Variants in TYK2 observed in about 807,000 individuals in gnomAD.
TYK2 encodes tyrosine kinase 2, also known as non-receptor tyrosine-protein kinase TYK2.
TYK2 carries 65 observed loss-of-function variants against 130.9 expected under a neutral mutation model. The observed-to-expected ratio is 0.50, with a 90% confidence interval of 0.41 to 0.61. The LOEUF is 0.61. Among genes scored for constraint, TYK2 ranks in the 20% least tolerant of loss-of-function variants. The pLI is 0.00. For missense variants in TYK2, 1,378 were observed against 1,610.7 expected, an observed-to-expected ratio of 0.86 and a Z score of 2.47; for synonymous variants, 647 against 658.9, an observed-to-expected ratio of 0.98 and a Z score of 0.28.
chr19:10,363,268 C>T (rs1372984702), intron 9 of TYK2, among the ~76,000 whole-genome samples: 1 of 149,098 alleles, frequency 6.7e-6, no homozygotes, highest in Admixed American at 6.7e-5. Context: ...TGGCTCACTT[C>T]AGCCTGGACC....
At chr19:10,352,337 G>T (rs888547171) in intron 23 of TYK2, 97 bp downstream of exon 23, 4 of 845,656 alleles carry the variant, frequency 4.7e-6, no homozygotes, top group Admixed American at 3.5e-5. Context: ...CTCCCAAAGT[G>T]CTGGGATTAC....
Position 10,361,365 on chromosome 19 carries a change from G to T in TYK2, c.2047+146C>A. ...GTTGGGGTCTAGGTTGAAGGTCAAG[G>T]TGTAGCCCGGGATCAGAGTACAGGT... On this transcript the variant is annotated intron_variant, in intron 14 of 24. Coordinates refer to ENST00000525621, the MANE Select transcript of TYK2 (RefSeq NM_003331.5). The surrounding 1 kb of genome is among the most constrained non-coding windows in gnomAD (Gnocchi z 4.0). 1.2e-6 allele frequency: 1 copy of T among 803,926 alleles called. No homozygotes were observed. The highest frequency in any genetic ancestry group is 2.0e-6 in the Non-Finnish European group (1 of 488,450). The allele number at this position is 803,926 out of a possible 1,614,324, so 49.8% of individuals were successfully genotyped here.
rs1019888846 is a variant in TYK2 at position 10,357,515 on chromosome 19, G to T, written c.2466+249C>A. ...CTGGGCGTCTCCCATCGCTGCCCTG[G>T]TCACTCTGCCTAAAACTGAAATCAA... On this transcript the variant is annotated intron_variant, in intron 17 of 24. Transcript: ENST00000525621. 4.2e-6 allele frequency: 3 copies of T among 711,858 alleles called. No individual in the cohort carries two copies. The African/African-American group carries it at 5.2e-5, about 12-fold the overall frequency. 44.1% of individuals were successfully genotyped at this position (711,858 alleles called of 1,614,324 possible). A position where few individuals can be genotyped will look rare whatever the true frequency, so the allele number is the denominator to read the frequency against.
At chr19:10,365,072 G>C (rs887279432) in intron 7 of TYK2, 24 bp from the exon 8 acceptor site, 1 of 1,585,408 alleles carries the variant, frequency 6.3e-7, no homozygotes, top group South Asian at 1.2e-5. Context: ...AAGTGGGGCA[G>C]AGGATGGAGA....
chr19:10,374,558 C>T (rs12979221), intron 3 of TYK2, among the ~76,000 whole-genome samples: 7 of 110,354 alleles, frequency 6.3e-5, no homozygotes, highest in South Asian at 6.6e-4. Flanking sequence ...GCACTCCAGC[C>T]TGGGTGACAG....
rs73003520 is a variant in TYK2, at chr19:10,361,113, A to T, written c.2047+398T>A. 1.8e-3 allele frequency: 870 copies of T among 491,944 alleles called. 2 individuals are homozygous for T. Among genetic ancestry groups the T allele is most frequent in the Non-Finnish European group, 2.5e-3 (644 of 252,632 alleles). 30.5% of individuals were successfully genotyped at this position (491,944 alleles called of 1,614,324 possible). On this transcript the variant is annotated intron_variant, in intron 14 of 24. Coordinates refer to ENST00000525621, the MANE Select transcript of TYK2 (RefSeq NM_003331.5). The surrounding 1 kb of genome is among the most constrained non-coding windows in gnomAD (Gnocchi z 4.0). ...AAGAGGTGGGGTTAGGCAGGGTTGGATGTGCAGGGGCTGAGGCCTAGGAGA... is the reference window on the plus strand; with the variant it reads ...AAGAGGTGGGGTTAGGCAGGGTTGGTTGTGCAGGGGCTGAGGCCTAGGAGA...
In TYK2 at chr19:10,368,272, G is replaced by A. The variant is rs781411794; in HGVS notation, c.317+23C>T. On this transcript the variant is annotated intron_variant, in intron 4 of 24. Transcript: ENST00000525621. ...CCAGCTTCAGCACAGGAGGGGACGA[G>A]CTTTGCAAAGGTCTCCACCCACCTT... 5.6e-6 allele frequency: 9 copies of A among 1,614,062 alleles called. No homozygotes were observed. In the African/African-American group the frequency reaches 1.2e-4, roughly 22 times the overall value.
At chr19:10,363,493 G>A (rs1005719507) in intron 9 of TYK2, among the ~76,000 whole-genome samples, 1 of 152,040 alleles carries the variant, frequency 6.6e-6, no homozygotes, top group African/African-American at 2.4e-5. Flanking sequence ...TCCTACTCTT[G>A]TACTTGACGC....
At position 10,361,835 on chromosome 19, in the gene TYK2, C is replaced by T; in HGVS notation, c.1894G>A (p.Asp632Asn). 6.2e-7 allele frequency: 1 copy of T among 1,614,048 alleles called. No individual in the cohort carries two copies. The highest frequency in any genetic ancestry group is 1.1e-5 in the South Asian group (1 of 91,084). ...ACCACTCGTAGCTCCTGCCCACGGT[C>T]CCTGCCAGGCACGAGGGGGTCCTCG... The part of the protein sequence containing the change: ...DDEDPLVPGR[D>N]RGQELRVVLK... Residue 632 changes from aspartate to asparagine, a missense_variant, in exon 13 of 25, where the codon GAC becomes AAC. Transcript: ENST00000525621. The surrounding 1 kb of genome is among the most constrained non-coding windows in gnomAD (Gnocchi z 4.0).
At chr19:10,377,974 GTGGGTGGA>G (rs1249471281) in intron 3 of TYK2, among the ~76,000 whole-genome samples, 2 of 117,600 alleles carry the variant, frequency 1.7e-5, no homozygotes, top group East Asian at 2.8e-4. Context: ...GGGTGAATGG[GTGGGTGGA>G]TGGGTGGATG....
Position 10,374,460 on chromosome 19 carries a change from C to T in TYK2, c.193+3754G>A, listed in dbSNP as rs2042034526. ...ATTAGCCAGGTGTGGTGGTGGGCGC[C>T]TGTAATCCCAGCTACTCAGGAGGCT... On this transcript the variant is annotated intron_variant, in intron 3 of 24. Transcript: ENST00000525621. Among the ~76,000 whole-genome samples, 5 of 150,552 alleles carry T rather than the reference C, an allele frequency of 3.3e-5. No individual in the cohort carries two copies. In the Admixed American group the frequency reaches 3.3e-4, roughly 10 times the overall value.
chr19:10,368,220 G>A lies in TYK2; in HGVS notation c.318-18C>T, dbSNP rs376043199. On this transcript the variant is annotated intron_variant, in intron 4 of 24. Coordinates refer to ENST00000525621, the MANE Select transcript of TYK2 (RefSeq NM_003331.5). ...AATAAAACCTGCAGGAAGGAGGGAC[G>A]CAGCTGGGGCTTAGCACAGAGTCAG... The A allele has an allele frequency of 4.3e-5, 70 of 1,613,974 alleles. No homozygotes were observed. Among genetic ancestry groups the A allele is most frequent in the African/African-American group, 5.3e-5 (4 of 74,920 alleles).
chr19:10,356,838 A>G (rs1468213820), intron 17 of TYK2, 120 bp from the exon 18 acceptor site: 3 of 1,079,510 alleles, frequency 2.8e-6, no homozygotes, highest in Admixed American at 4.0e-5. Context: ...CAGTTCCATT[A>G]TACAGATGAG....
Position 10,364,606 on chromosome 19 carries a change from G to C in TYK2, c.1367+8C>G. ...GGTGGCCCCCAGCGCCCCCCACCCAGCACTCACAGCAGGGGTCCGTGGATC... is the reference window on the plus strand; with the variant it reads ...GGTGGCCCCCAGCGCCCCCCACCCACCACTCACAGCAGGGGTCCGTGGATC... On this transcript the variant is annotated splice_region_variant and intron_variant, in intron 9 of 24. Coordinates refer to ENST00000525621, the MANE Select transcript of TYK2 (RefSeq NM_003331.5). The surrounding 1 kb of genome is among the most constrained non-coding windows in gnomAD (Gnocchi z 4.9). 7 of 1,613,532 alleles carry C rather than the reference G, an allele frequency of 4.3e-6. No individual in the cohort carries two copies. The highest frequency in any genetic ancestry group is 5.9e-6 in the Non-Finnish European group (7 of 1,179,962).
chr19:10,361,712 A>T lies in TYK2; in HGVS notation c.1959+58T>A. ...TCCACAGACACACCCCTCCCATCCC[A>T]CCTCCTCCGGCCACCTCCTCCACAG... is the stretch of plus-strand genomic sequence containing the variant. On this transcript the variant is annotated intron_variant, in intron 13 of 24. Coordinates refer to ENST00000525621, the MANE Select transcript of TYK2 (RefSeq NM_003331.5). The surrounding 1 kb of genome is among the most constrained non-coding windows in gnomAD (Gnocchi z 4.0). 7.2e-7 allele frequency: 1 copy of T among 1,397,758 alleles called. No homozygotes were observed. Among genetic ancestry groups the T allele is most frequent in the Non-Finnish European group, 9.5e-7 (1 of 1,051,894 alleles). 86.6% of individuals were successfully genotyped at this position (1,397,758 alleles called of 1,614,324 possible). A position where few individuals can be genotyped will look rare whatever the true frequency, so the allele number is the denominator to read the frequency against.
chr19:10,351,478 A>C, intron 23 of TYK2: 1 of 335,618 alleles, frequency 3.0e-6, no homozygotes, highest in Non-Finnish European at 5.8e-6. Context: ...CAAGTGTGAA[A>C]CTCCATCTCA....
rs12720268 is a variant in TYK2 at position 10,365,429 on chromosome 19, C to G, written c.1011+88G>C. On this transcript the variant is annotated intron_variant, in intron 7 of 24. Coordinates refer to ENST00000525621, the MANE Select transcript of TYK2 (RefSeq NM_003331.5). ...ATGTGGGGAGAGGGCTCAGGTCAGCCACCCTCAGAGGCTAGGGTCAAGGAT... is the reference window on the plus strand; with the variant it reads ...ATGTGGGGAGAGGGCTCAGGTCAGCGACCCTCAGAGGCTAGGGTCAAGGAT... 1.9e-6 allele frequency: 3 copies of G among 1,587,432 alleles called. No individual in the cohort carries two copies. In the African/African-American group the frequency reaches 4.0e-5, roughly 21 times the overall value.
At chr19:10,360,390 A>C (rs2041340084) in intron 14 of TYK2, among the ~76,000 whole-genome samples, 1 of 151,582 alleles carries the variant, frequency 6.6e-6, no homozygotes, top group African/African-American at 2.4e-5. Context: ...CCAGGTGCTC[A>C]AGAGGCTGAG....
rs777476878 is a variant in TYK2, at chr19:10,352,976, T to A, written c.3150A>T (p.Glu1050Asp). The A allele has an allele frequency of 3.1e-5, 49 of 1,606,390 alleles. No individual in the cohort carries two copies. The highest frequency in any genetic ancestry group is 4.2e-5 in the Non-Finnish European group (49 of 1,176,082). The change falls in exon 22 of 25, where the codon GAA (glutamate) becomes GAT (aspartate). Residue 1050 changes from glutamate to aspartate, a missense_variant. Transcript: ENST00000525621. ...CGCGCACGCGGTAGTACTCGTGGCC[T>A]TCGGGCACGGCCTTGGCTAGGCCAA... ...GDFGLAKAVP[E>D]GHEYYRVRED...
Sources: allele counts gnomAD v4.1 joint callset (sites outside exome capture counted in the v4.1 genomes callset), GRCh38; gene constraint gnomAD v4.1.1; non-coding constraint Gnocchi (gnomAD v3.1); transcripts MANE v1.5; gene names NCBI Gene and HGNC (gene_info 2026-07-23, HGNC 2026-07-21).